The following XKR4 variants were observed in gnomAD, a reference collection of about 807,000 sequenced individuals.
XKR4 encodes the protein XK-related protein 4.
Under a neutral mutation model 53.9 loss-of-function variants are expected in XKR4, and 12 were observed. The ratio of observed to expected loss-of-function variants is 0.22; its 90% CI spans 0.14 to 0.36. The LOEUF (loss-of-function observed/expected upper bound fraction) is 0.36. Among genes scored for constraint, XKR4 ranks in the 10% least tolerant of loss-of-function variants. The pLI, the probability that XKR4 is intolerant of heterozygous loss-of-function variation, is 1.00. For synonymous variants in XKR4, 354 were observed against 362.4 expected (o/e 0.98, Z 0.26); for missense variants, 799 against 859.5 (o/e 0.93, Z 0.88).
chr8:55,465,312 G>A (rs1585589572), intron 2 of XKR4, among the ~76,000 whole-genome samples: 1 of 152,032 alleles, frequency 6.6e-6, no homozygotes, highest in South Asian at 2.1e-4. Flanking sequence ...GAACATAACA[G>A]AGTCCCAGAA....
intron 2 of XKR4, among the ~76,000 whole-genome samples, chr8:55,494,639 A>G (rs73593497): frequency 0.055 from 8,305 of 151,908 alleles, 625 homozygotes; most frequent in East Asian, 0.28. Context: ...AGAGAGGGTA[A>G]CTCCTCTCTG....
Position 55,523,396 on chromosome 8 carries a change from C to G in XKR4, c.1122C>G (p.Ile374Met). The G allele has an allele frequency of 6.2e-7, 1 of 1,614,236 alleles. No individual in the cohort carries two copies. The highest frequency in any genetic ancestry group is 8.5e-7 in the Non-Finnish European group (1 of 1,180,044). The change falls in exon 3 of 3, where the codon ATC becomes ATG. Residue 374 changes from isoleucine to methionine, a missense_variant. Physicochemically the swap from Ile to Met is conservative, Grantham distance 10. Around this residue, in one of 3 missense-constraint regions of XKR4, gnomAD observed 54 missense variants for 89.7 expected, o/e 0.60. Transcript: ENST00000327381. ...CCATCAGCTACATGGCCGTCATCATCCAGTTCTGCTGGCACTTCTTCACCA... is the reference window on the plus strand; with the variant it reads ...CCATCAGCTACATGGCCGTCATCATGCAGTTCTGCTGGCACTTCTTCACCA... ...KKPISYMAVIIQFCWHFFTIA... is the reference protein window; with the variant it reads ...KKPISYMAVIMQFCWHFFTIA...
chr8:55,485,434 A>G (rs1295312460), intron 2 of XKR4, among the ~76,000 whole-genome samples: 1 of 152,266 alleles, frequency 6.6e-6, no homozygotes, highest in Admixed American at 6.5e-5. Flanking sequence ...AGATAAACAT[A>G]GAAAACTGAA....
At chr8:55,109,821 T>C (rs573150030) in intron 1 of XKR4, among the ~76,000 whole-genome samples, 7 of 152,310 alleles carry the variant, frequency 4.6e-5, no homozygotes, top group African/African-American at 1.7e-4. Flanking sequence ...CTTGGAGCAA[T>C]AGCTTTGAAA....
chr8:55,344,795 C>T (rs953937659), intron 1 of XKR4, among the ~76,000 whole-genome samples: 1 of 152,208 alleles, frequency 6.6e-6, no homozygotes, highest in Admixed American at 6.5e-5. Context: ...GTGCCTACTA[C>T]AGGAGAAATT....
At position 55,102,317 on chromosome 8, in the gene XKR4, CCGGCGGG is replaced by C. The variant is rs1049576443; in HGVS notation, c.-158_-152del. On this transcript the variant is annotated 5_prime_UTR_variant, in exon 1 of 3. Transcript: ENST00000327381. This position sits in a 1 kb window ranked among gnomAD's most constrained non-coding sequence, Gnocchi z 5.1. ...CCGCTAGCCCGGCCCAGCGCCCAGC[CCGGCGGG>C]CGGCGGGCGGCGGCGGACGGCAGGC... The C allele has an allele frequency of 1.3e-5, 12 of 931,208 alleles. 1 individual carries two copies. The Admixed American group carries it at 5.4e-4, about 42-fold the overall frequency. The allele number at this position is 931,208 out of a possible 1,614,324, so 57.7% of individuals were successfully genotyped here. A position where few individuals can be genotyped will look rare whatever the true frequency, so the allele number is the denominator to read the frequency against.
intron 1 of XKR4, among the ~76,000 whole-genome samples, chr8:55,316,336 C>T (rs1819475045): frequency 6.6e-6 from 1 of 152,178 alleles, no homozygotes; most frequent in Non-Finnish European, 1.5e-5. Context: ...CCAGCCTCAC[C>T]GTGGTCCATC....
chr8:55,132,893 T>C (rs1322785788), intron 1 of XKR4, among the ~76,000 whole-genome samples: 1 of 151,482 alleles, frequency 6.6e-6, no homozygotes, highest in Admixed American at 6.6e-5. Context: ...CCCTGTGCCA[T>C]GTGATGGGGG....
intron 2 of XKR4, among the ~76,000 whole-genome samples, chr8:55,378,900 A>G (rs1355239499): frequency 6.6e-6 from 1 of 152,232 alleles, no homozygotes; most frequent in African/African-American, 2.4e-5. Context: ...TATGTATATC[A>G]CATGGAATAC....
intron 2 of XKR4, among the ~76,000 whole-genome samples, chr8:55,499,993 T>A (rs536121422): frequency 6.6e-6 from 1 of 152,164 alleles, no homozygotes; most frequent in African/African-American, 2.4e-5. Flanking sequence ...AAAAATGTTA[T>A]CACATTCATT....
chr8:55,421,632 T>C (rs998379731), intron 2 of XKR4, among the ~76,000 whole-genome samples: 7 of 152,172 alleles, frequency 4.6e-5, no homozygotes, highest in African/African-American at 1.7e-4. Flanking sequence ...ATTTAACAAA[T>C]TTAGGGTATA....
At chr8:55,103,840 C>A (rs1403747645) in intron 1 of XKR4, among the ~76,000 whole-genome samples, 1 of 122,000 alleles carries the variant, frequency 8.2e-6, no homozygotes, top group African/African-American at 3.0e-5. Flanking sequence ...TCCTAATAGG[C>A]AAATGACTTT....
At chr8:55,417,236 CG>C (rs1804864940) in intron 2 of XKR4, among the ~76,000 whole-genome samples, 1 of 152,196 alleles carries the variant, frequency 6.6e-6, no homozygotes, top group African/African-American at 2.4e-5. Flanking sequence ...TTTTCCCAAG[CG>C]GGCAGTTTAG....
chr8:55,358,307 T>G (rs894011863), intron 2 of XKR4, among the ~76,000 whole-genome samples: 1 of 152,012 alleles, frequency 6.6e-6, no homozygotes, highest in Non-Finnish European at 1.5e-5. Flanking sequence ...TACTATTTCC[T>G]TTTGATGTTG....
intron 1 of XKR4, among the ~76,000 whole-genome samples, chr8:55,355,743 G>A (rs147656541): frequency 9.2e-5 from 14 of 152,306 alleles, no homozygotes; most frequent in Non-Finnish European, 1.8e-4. Flanking sequence ...ATAAATGGCA[G>A]ATCTTGGGCC....
At chr8:55,412,534 C>T (rs1360628709) in intron 2 of XKR4, among the ~76,000 whole-genome samples, 1 of 152,184 alleles carries the variant, frequency 6.6e-6, no homozygotes, top group African/African-American at 2.4e-5. Flanking sequence ...CTGCGGTTTG[C>T]TTGATGCACA....
chr8:55,489,127 A>G (rs914472385), intron 2 of XKR4, among the ~76,000 whole-genome samples: 1 of 152,200 alleles, frequency 6.6e-6, no homozygotes, highest in Non-Finnish European at 1.5e-5. Flanking sequence ...AGTAAACCCT[A>G]ATGTAAACAG....
At position 55,525,698 on chromosome 8, in the gene XKR4, G is replaced by C. The variant is rs771845663; in HGVS notation, c.*1471G>C. The C allele has an allele frequency of 5.2e-5, 8 of 152,536 alleles. No individual in the cohort carries two copies. Among genetic ancestry groups the C allele is most frequent in the Admixed American group, 1.3e-4 (2 of 15,264 alleles). 9.4% of individuals were successfully genotyped at this position (152,536 alleles called of 1,614,324 possible). ...ATAGTATTTTTTTATAGTTGGTGCA[G>C]AGTGGAATAACTCATGGATTATTTC... On this transcript the variant is annotated 3_prime_UTR_variant, in exon 3 of 3. Transcript: ENST00000327381.
chr8:55,452,044 G>T, intron 2 of XKR4: 1 of 732,982 alleles, frequency 1.4e-6, no homozygotes, highest in Non-Finnish European at 2.5e-6. Context: ...AGGGTTCTGA[G>T]GGAAGGACCC....
Sources: allele counts gnomAD v4.1 joint callset (sites outside exome capture counted in the v4.1 genomes callset), GRCh38; gene constraint gnomAD v4.1.1; regional missense constraint gnomAD v4.1.1; non-coding constraint Gnocchi (gnomAD v3.1); transcripts MANE v1.5; gene names NCBI Gene and HGNC (gene_info 2026-07-23, HGNC 2026-07-21).